CADM2: variants seen among roughly 807,000 people sequenced by gnomAD.
The protein encoded by CADM2 is immunoglobulin superfamily member 4D.
A neutral mutation model predicts 49.8 loss-of-function variants in CADM2; 12 were observed. The observed-to-expected ratio is 0.24, with a 90% CI of 0.15 to 0.39. CADM2 has a LOEUF of 0.39. Among genes scored for constraint, CADM2 ranks in the 10% least tolerant of loss-of-function variants. The probability of loss-of-function intolerance (pLI) is 1.00; values close to 1 mark genes in which losing one functional copy is unlikely to be tolerated. For missense variants in CADM2, 378 were observed against 492.3 expected (o/e 0.77, Z 2.20); for synonymous variants, 214 against 175.4 (o/e 1.22, Z -1.74).
At chr3:85,480,108 C>A (rs113304160) in intron 1 of CADM2, among the ~76,000 whole-genome samples, 2 of 151,564 alleles carry the variant, frequency 1.3e-5, no homozygotes, top group African/African-American at 4.8e-5. Context: ...GTGGAGGCAA[C>A]CAAACTGCAT....
At chr3:85,299,106 A>G (rs961963708) in intron 1 of CADM2, among the ~76,000 whole-genome samples, 8 of 152,170 alleles carry the variant, frequency 5.3e-5, no homozygotes, top group South Asian at 2.1e-4. Flanking sequence ...ATCTGTTCCT[A>G]TCTCTTTTGC....
intron 2 of CADM2, among the ~76,000 whole-genome samples, chr3:85,746,276 G>T (rs1014800198): frequency 2.0e-5 from 3 of 152,032 alleles, no homozygotes; most frequent in African/African-American, 7.2e-5. Context: ...GCTCATTTCT[G>T]ATTTCTAGAA....
intron 3 of CADM2, among the ~76,000 whole-genome samples, chr3:85,834,615 T>A (rs1053844295): frequency 1.3e-5 from 2 of 151,672 alleles, no homozygotes; most frequent in Non-Finnish European, 3.0e-5. Flanking sequence ...ATTTATGTTC[T>A]GAGTTTGACT....
intron 8 of CADM2, among the ~76,000 whole-genome samples, chr3:86,015,898 CA>C (rs1732158700): frequency 1.3e-5 from 2 of 152,072 alleles, no homozygotes; most frequent in Non-Finnish European, 2.9e-5. Context: ...GATTTATAAG[CA>C]AAACCTGGAA....
intron 1 of CADM2, among the ~76,000 whole-genome samples, chr3:85,304,948 A>G (rs2044179863): frequency 6.6e-6 from 1 of 151,766 alleles, no homozygotes; most frequent in Non-Finnish European, 1.5e-5. Flanking sequence ...TTGTCAATGA[A>G]GATATTAATG....
At chr3:85,880,839 TTGA>T (rs1238011928) in intron 3 of CADM2, among the ~76,000 whole-genome samples, 10 of 152,212 alleles carry the variant, frequency 6.6e-5, no homozygotes, top group Non-Finnish European at 1.2e-4. Context: ...AAGTTTCCTC[TTGA>T]TGTATCTCGA....
intron 8 of CADM2, among the ~76,000 whole-genome samples, chr3:86,010,398 AAG>A (rs1223285136): frequency 1.3e-4 from 19 of 151,770 alleles, no homozygotes; most frequent in Admixed American, 1.2e-3. Flanking sequence ...GAAAATGTAA[AAG>A]AGTTATGCAC....
intron 8 of CADM2, chr3:86,013,830 A>G (rs1731853618): frequency 6.3e-7 from 1 of 1,590,806 alleles, no homozygotes. Context: ...TCAGGCTTAC[A>G]TTGTGTCTAG....
rs1397084455 is a variant in CADM2, at chr3:85,347,628, T to TATACATATATAA, written c.62-378893_62-378892insTACATATATAAA. 3.7e-3 allele frequency among the ~76,000 whole-genome samples: 525 copies of TATACATATATAA among 142,362 alleles called. 4 individuals are homozygous for TATACATATATAA. The highest frequency in any genetic ancestry group is 0.018 in the South Asian group (83 of 4,558). The allele number at this position is 142,362 out of a possible 152,430, so 93.4% of individuals were successfully genotyped here. A position where few individuals can be genotyped will look rare whatever the true frequency, so the allele number is the denominator to read the frequency against. On this transcript the variant is annotated intron_variant, in intron 1 of 9. Coordinates refer to ENST00000383699, the MANE Select transcript of CADM2 (RefSeq NM_001167675.2). ...ATATAAAAATATATATACATATATA[T>TATACATATATAA]AAATATATATACATATATATATATT...
intron 1 of CADM2, among the ~76,000 whole-genome samples, chr3:85,113,575 A>G (rs2038534593): frequency 6.6e-6 from 1 of 152,136 alleles, no homozygotes; most frequent in Admixed American, 6.6e-5. Context: ...AATACAATTT[A>G]ATCCTAATAT....
chr3:85,299,015 T>C (rs1316350014), intron 1 of CADM2, among the ~76,000 whole-genome samples: 1 of 152,050 alleles, frequency 6.6e-6, no homozygotes, highest in Non-Finnish European at 1.5e-5. Flanking sequence ...TCCCATTGTA[T>C]CCACTAGAAG....
At chr3:85,984,245 T>G (rs1727818908) in intron 8 of CADM2, among the ~76,000 whole-genome samples, 1 of 150,950 alleles carries the variant, frequency 6.6e-6, no homozygotes, top group Non-Finnish European at 1.5e-5. Flanking sequence ...GATTTTTTAA[T>G]TAACTTAATA....
intron 8 of CADM2, among the ~76,000 whole-genome samples, chr3:86,046,174 C>A (rs531830473): frequency 3.3e-5 from 5 of 152,164 alleles, no homozygotes; most frequent in Admixed American, 6.5e-5. Context: ...ATTTTATATA[C>A]CTAGTTAACC....
At chr3:85,876,585 A>T (rs192041858) in intron 3 of CADM2, among the ~76,000 whole-genome samples, 285 of 152,270 alleles carry the variant, frequency 1.9e-3, no homozygotes, top group African/African-American at 6.6e-3. Context: ...ATGGAATATG[A>T]TTTTTTGTCA....
intron 1 of CADM2, among the ~76,000 whole-genome samples, chr3:85,287,864 A>G (rs112133308): frequency 0.068 from 10,170 of 150,406 alleles, 1,119 homozygotes; most frequent in African/African-American, 0.23. Flanking sequence ...ACCAAACACC[A>G]CATGTTCTCA....
intron 8 of CADM2, among the ~76,000 whole-genome samples, chr3:86,058,168 T>C (rs1389300052): frequency 6.6e-6 from 1 of 152,198 alleles, no homozygotes; most frequent in Admixed American, 6.5e-5. Context: ...TCTCATGTTA[T>C]GCAAATCTTT....
At chr3:85,568,463 C>CATTCTT (rs1553743627) in intron 1 of CADM2, among the ~76,000 whole-genome samples, 3 of 13,194 alleles carry the variant, frequency 2.3e-4, no homozygotes, top group Admixed American at 1.1e-3. Flanking sequence ...TTCTTTCTTT[C>CATTCTT]TCTTTCTCTC....
At chr3:85,679,405 G>T (rs2065975510) in intron 1 of CADM2, among the ~76,000 whole-genome samples, 2 of 152,120 alleles carry the variant, frequency 1.3e-5, no homozygotes, top group African/African-American at 4.8e-5. Flanking sequence ...GCTGGTCTCT[G>T]ATTGTCTTAT....
intron 1 of CADM2, among the ~76,000 whole-genome samples, chr3:85,714,558 C>CT (rs2067221907): frequency 6.6e-6 from 1 of 152,002 alleles, no homozygotes; most frequent in Admixed American, 6.6e-5. Flanking sequence ...TCCTGAGTAA[C>CT]TGGGACTACA....
Sources: allele counts gnomAD v4.1 joint callset (sites outside exome capture counted in the v4.1 genomes callset), GRCh38; gene constraint gnomAD v4.1.1; transcripts MANE v1.5; gene names NCBI Gene and HGNC (gene_info 2026-07-23, HGNC 2026-07-21).